Variants in SYNRG observed in about 807,000 individuals in gnomAD.
The protein encoded by SYNRG is synergin gamma, also known as AP1 gamma subunit binding protein 1.
SYNRG carries 37 observed loss-of-function variants against 130.9 expected under a neutral mutation model. The ratio of observed to expected loss-of-function variants is 0.28; its 90% confidence interval spans 0.22 to 0.37. The LOEUF is 0.37. Among genes scored for constraint, SYNRG ranks in the 10% least tolerant of loss-of-function variants. The pLI, the probability that SYNRG is intolerant of heterozygous loss-of-function variation, is 1.00. For synonymous variants in SYNRG, 539 were observed against 568.1 expected (o/e 0.95, Z 0.73); for missense variants, 1,338 against 1,588.9 (o/e 0.84, Z 2.68).
intron 5 of SYNRG, 28 bp downstream of exon 5, chr17:37,585,297 T>C (rs1478026502): frequency 9.5e-6 from 15 of 1,571,244 alleles, no homozygotes; most frequent in Non-Finnish European, 1.3e-5. Context: ...GTGTATGTTC[T>C]GGGTGAAGAG....
intron 11 of SYNRG, among the ~76,000 whole-genome samples, chr17:37,562,651 T>C (rs1283957251): frequency 6.6e-6 from 1 of 152,190 alleles, no homozygotes; most frequent in Non-Finnish European, 1.5e-5. Context: ...ACACAGTCCT[T>C]TAGGGCTTAA....
Position 37,553,746 on chromosome 17 carries a change from T to C in SYNRG, c.1977A>G (p.Ala659=). The change falls in exon 14 of 22, where the codon GCA becomes GCG. Residue 659 remains alanine (A), a synonymous_variant. Coordinates refer to ENST00000612223, the MANE Select transcript of SYNRG (RefSeq NM_007247.6). ...CAGCCAAACTAGAAGTTTTTGTTGC[T>C]GCCAATGCTGTCATAGTAGCAGCAG... ...TGSAATMTAL[A]ATKTSSLADD... The C allele has an allele frequency of 2.5e-6, 4 of 1,613,014 alleles. No homozygotes were observed. The highest frequency in any genetic ancestry group is 3.4e-6 in the Non-Finnish European group (4 of 1,179,784).
intron 21 of SYNRG, 97 bp downstream of exon 21, chr17:37,520,082 G>C: frequency 7.5e-7 from 1 of 1,341,410 alleles, no homozygotes; most frequent in East Asian, 2.3e-5. Flanking sequence ...TTCATGATTG[G>C]AACAGTTCAG....
intron 19 of SYNRG, chr17:37,529,922 T>A: frequency 7.3e-7 from 1 of 1,371,580 alleles, no homozygotes; most frequent in Non-Finnish European, 1.0e-6. Flanking sequence ...TTAACTGCAG[T>A]AAGAACCGAT....
intron 2 of SYNRG, among the ~76,000 whole-genome samples, chr17:37,598,106 G>T (rs752020579): frequency 3.3e-5 from 5 of 152,178 alleles, no homozygotes; most frequent in Non-Finnish European, 7.4e-5. Flanking sequence ...ACATAGCCAT[G>T]AACAAAACCA....
intron 19 of SYNRG, among the ~76,000 whole-genome samples, chr17:37,531,339 C>T (rs1261662354): frequency 6.6e-6 from 1 of 152,122 alleles, no homozygotes; most frequent in African/African-American, 2.4e-5. Context: ...GGGCTATCTA[C>T]AGGGAGGGTT....
At chr17:37,576,697 T>G (rs188118150) in intron 7 of SYNRG, among the ~76,000 whole-genome samples, 1 of 152,302 alleles carries the variant, frequency 6.6e-6, no homozygotes, top group African/African-American at 2.4e-5. Flanking sequence ...CCATTTAACA[T>G]GTATTACAAA....
intron 11 of SYNRG, among the ~76,000 whole-genome samples, chr17:37,566,296 AT>A (rs2059989100): frequency 6.8e-6 from 1 of 147,146 alleles, no homozygotes; most frequent in Non-Finnish European, 1.5e-5. Flanking sequence ...ACTAAGAAAA[AT>A]TCTTCTGCCT....
At chr17:37,528,821 G>A (rs890038582) in intron 19 of SYNRG, among the ~76,000 whole-genome samples, 1 of 152,134 alleles carries the variant, frequency 6.6e-6, no homozygotes, top group Admixed American at 6.5e-5. Context: ...CATGTAGTGG[G>A]CAACTCAAGT....
chr17:37,580,773 T>G (rs1455699824), intron 6 of SYNRG, among the ~76,000 whole-genome samples: 1 of 152,020 alleles, frequency 6.6e-6, no homozygotes, highest in Non-Finnish European at 1.5e-5. Context: ...GACCTCATGA[T>G]CTACCTGCCT....
chr17:37,545,858 C>T (rs148154212), intron 14 of SYNRG, among the ~76,000 whole-genome samples: 108 of 152,200 alleles, frequency 7.1e-4, no homozygotes, highest in African/African-American at 2.5e-3. Context: ...AAAGTAATTT[C>T]GTAAAGTGTA....
chr17:37,561,677 A>G, intron 11 of SYNRG, 88 bp from the exon 12 acceptor site: 1 of 949,246 alleles, frequency 1.1e-6, no homozygotes, highest in Admixed American at 2.0e-5. Flanking sequence ...GCAAACAGGT[A>G]TTTCATTAAA....
At chr17:37,562,413 T>C (rs954529604) in intron 11 of SYNRG, among the ~76,000 whole-genome samples, 9 of 152,138 alleles carry the variant, frequency 5.9e-5, no homozygotes, top group Admixed American at 2.6e-4. Context: ...TTCTTCTTCT[T>C]CTCTTATCAG....
intron 14 of SYNRG, among the ~76,000 whole-genome samples, chr17:37,547,776 T>C (rs2058400310): frequency 6.6e-6 from 1 of 152,144 alleles, no homozygotes; most frequent in South Asian, 2.1e-4. Context: ...ATTTGCTACT[T>C]CTAAAAATCA....
In SYNRG at chr17:37,561,251, C is replaced by A. The variant is rs751076719; in HGVS notation, c.1607G>T (p.Gly536Val). 5 of 1,613,484 alleles carry A rather than the reference C, an allele frequency of 3.1e-6. No homozygotes were observed. In the African/African-American group the frequency reaches 6.7e-5, roughly 22 times the overall value. ...SENTVPPGDP[G>V]DKYSAFRELE... ...TTCTCTGAAAGCACTATATTTATCA[C>A]CAGGATCTATGATAGAAAGGACAGA... is the stretch of plus-strand genomic sequence containing the variant. Residue 536 changes from glycine to valine, a missense_variant, in exon 13 of 22, where the codon GGT (glycine) becomes GTT (valine). By Grantham distance (109) the Gly-to-Val change is moderately radical. Around this residue, in one of 3 missense-constraint regions of SYNRG, gnomAD observed 1,146 missense variants for 1,342.3 expected, o/e 0.85. Transcript: ENST00000612223.
intron 3 of SYNRG, among the ~76,000 whole-genome samples, chr17:37,590,754 C>T (rs12948355): frequency 0.17 from 26,375 of 151,978 alleles, 2,471 homozygotes; most frequent in Admixed American, 0.29. Flanking sequence ...AACCCCATCT[C>T]TACTAAAATA....
rs2054533162 is a variant in SYNRG, at chr17:37,517,704, A to C, written c.*1236T>G. ...ATAAAAGTCTAGGTCAGAGGGTCTA[A>C]ACCACACAAAGTAAAGCACACGAGA... On this transcript the variant is annotated 3_prime_UTR_variant, in exon 22 of 22. Coordinates refer to ENST00000612223, the MANE Select transcript of SYNRG (RefSeq NM_007247.6). The C allele has an allele frequency of 6.6e-6, 1 of 152,166 alleles. No individual in the cohort carries two copies. The highest frequency in any genetic ancestry group is 2.4e-5 in the African/African-American group (1 of 41,428). 9.4% of individuals were successfully genotyped at this position (152,166 alleles called of 1,614,324 possible).
chr17:37,555,184 T>C (rs1568371994), intron 13 of SYNRG, among the ~76,000 whole-genome samples: 1 of 152,146 alleles, frequency 6.6e-6, no homozygotes. Flanking sequence ...TGGAGTACAA[T>C]GGTGTGATCT....
In SYNRG at chr17:37,542,126, G is replaced by T; in HGVS notation, c.3048C>A (p.Thr1016=). The change falls in exon 15 of 22, where the codon ACC becomes ACA. Residue 1016 remains threonine, a synonymous_variant. Transcript: ENST00000612223. ...SPASSGASQE[T]PNECSDDFGE... is the part of the protein sequence containing the mutation. ...CAAAGTCATCCGAACATTCGTTCGGGGTTTCTTGAGAGGCACCACTGGACG... is the reference window on the plus strand; with the variant it reads ...CAAAGTCATCCGAACATTCGTTCGGTGTTTCTTGAGAGGCACCACTGGACG... 1.2e-6 allele frequency: 2 copies of T among 1,614,182 alleles called. No homozygotes were observed. Among genetic ancestry groups the T allele is most frequent in the Non-Finnish European group, 8.5e-7 (1 of 1,180,042 alleles).
Sources: allele counts gnomAD v4.1 joint callset (sites outside exome capture counted in the v4.1 genomes callset), GRCh38; gene constraint gnomAD v4.1.1; regional missense constraint gnomAD v4.1.1; transcripts MANE v1.5; gene names NCBI Gene and HGNC (gene_info 2026-07-23, HGNC 2026-07-21).